FBXL2: variants seen among roughly 807,000 people sequenced by gnomAD.
The protein encoded by FBXL2 is F-box/LRR-repeat protein 2.
A neutral mutation model predicts 69.2 loss-of-function variants in FBXL2; 38 were observed. The ratio of observed to expected loss-of-function variants is 0.55; its 90% CI spans 0.42 to 0.72. The LOEUF (loss-of-function observed/expected upper bound fraction) is 0.72. FBXL2 is among the 30% of genes least tolerant of loss of function. The pLI, the probability that FBXL2 is intolerant of heterozygous loss-of-function variation, is 0.00. For missense variants in FBXL2, 354 were observed against 520.3 expected, an observed-to-expected ratio of 0.68 and a Z score of 3.11; for synonymous variants, 192 against 201.3, an observed-to-expected ratio of 0.95 and a Z score of 0.39.
intron 2 of FBXL2, among the ~76,000 whole-genome samples, chr3:33,298,549 C>T (rs1042618867): frequency 2.2e-4 from 33 of 151,816 alleles, no homozygotes; most frequent in Non-Finnish European, 4.4e-4. Context: ...TGGTGCACGC[C>T]TGTAATCCCA....
intron 2 of FBXL2, among the ~76,000 whole-genome samples, chr3:33,357,777 C>T (rs1426451588): frequency 2.0e-5 from 3 of 152,178 alleles, no homozygotes; most frequent in Non-Finnish European, 4.4e-5. Flanking sequence ...GATCCGCCCA[C>T]CTCGGCCTCC....
chr3:33,412,581 CAAA>C, the FBXL2 span: 5,760 of 493,894 alleles, frequency 0.012, no homozygotes, highest in South Asian at 0.018. Flanking sequence ...GGCTCTGTCT[CAAA>C]AAAAAAAAAA....
intron 2 of FBXL2, among the ~76,000 whole-genome samples, chr3:33,320,835 T>C (rs987939233): frequency 6.6e-6 from 1 of 152,078 alleles, no homozygotes; most frequent in Non-Finnish European, 1.5e-5. Context: ...GAAAAGATTG[T>C]TATATATTAC....
chr3:33,326,505 C>CAA (rs543949783), intron 2 of FBXL2, among the ~76,000 whole-genome samples: 2,584 of 96,546 alleles, frequency 0.027, 31 homozygotes, highest in South Asian at 0.05. Flanking sequence ...GACTCCGTCT[C>CAA]AAAAAAAAAA....
rs2042378127 is a variant in FBXL2 at position 33,372,792 on chromosome 3, G to A, written c.291-300G>A. On this transcript the variant is annotated intron_variant, in intron 5 of 14. Coordinates refer to ENST00000484457, the MANE Select transcript of FBXL2 (RefSeq NM_012157.5). Reference sequence around the variant, plus strand: ...GCCTCTATTCTCATGATTCGGTGATGACTCACCAAGCTGTGGGTAAAGGAG... The same window carrying A: ...GCCTCTATTCTCATGATTCGGTGATAACTCACCAAGCTGTGGGTAAAGGAG... 4 of 501,020 alleles carry A rather than the reference G, an allele frequency of 8.0e-6. No homozygotes were observed. The South Asian group carries it at 9.2e-5, about 12-fold the overall frequency. 31.0% of individuals were successfully genotyped at this position (501,020 alleles called of 1,614,324 possible).
At chr3:33,364,405 G>A (rs556614353) in intron 4 of FBXL2, 1 of 553,492 alleles carries the variant, frequency 1.8e-6, no homozygotes, top group African/African-American at 1.9e-5. Context: ...TTGTTTGTTG[G>A]TTGGTTTTAG....
chr3:33,360,690 G>T (rs1203229405), intron 4 of FBXL2, among the ~76,000 whole-genome samples: 2 of 151,978 alleles, frequency 1.3e-5, no homozygotes, highest in Non-Finnish European at 2.9e-5. Context: ...GAATATAATT[G>T]CCCTTCAAAC....
At chr3:33,326,868 C>T (rs2038741802) in intron 2 of FBXL2, among the ~76,000 whole-genome samples, 1 of 152,176 alleles carries the variant, frequency 6.6e-6, no homozygotes, top group Admixed American at 6.5e-5. Context: ...TCCTATTGAT[C>T]TAAAGACATA....
intron 4 of FBXL2, among the ~76,000 whole-genome samples, chr3:33,359,624 T>C (rs183987901): frequency 1.7e-4 from 26 of 152,232 alleles, no homozygotes; most frequent in Admixed American, 7.8e-4. Context: ...ACCTGCATCA[T>C]TATCACCTGG....
intron 9 of FBXL2, among the ~76,000 whole-genome samples, chr3:33,374,605 G>T (rs942193864): frequency 5.9e-5 from 9 of 152,178 alleles, no homozygotes; most frequent in Non-Finnish European, 1.2e-4. Context: ...GACAAACGTT[G>T]ACCATATGGG....
intron 10 of FBXL2, 127 bp downstream of exon 10, chr3:33,375,545 T>G: frequency 9.2e-7 from 1 of 1,083,124 alleles, no homozygotes; most frequent in Non-Finnish European, 1.3e-6. Context: ...TGTTGTTGGC[T>G]TTTGTTGGGT....
chr3:33,338,193 C>T (rs1321650527), intron 2 of FBXL2, among the ~76,000 whole-genome samples: 1 of 152,128 alleles, frequency 6.6e-6, no homozygotes, highest in Non-Finnish European at 1.5e-5. Context: ...AGGTAGATCG[C>T]TTGCGATCAG....
chr3:33,362,549 A>G (rs774741067), intron 4 of FBXL2, among the ~76,000 whole-genome samples: 1 of 152,184 alleles, frequency 6.6e-6, no homozygotes. Context: ...ATTCCAGTAC[A>G]AGAACTTTGC....
the FBXL2 span, among the ~76,000 whole-genome samples, chr3:33,418,683 A>T: frequency 6.6e-6 from 1 of 151,114 alleles, no homozygotes; most frequent in Non-Finnish European, 1.5e-5. Context: ...ACATGGAGAA[A>T]CCTCATCTCT....
chr3:33,378,942 C>T, intron 13 of FBXL2: 1 of 1,006,028 alleles, frequency 9.9e-7, no homozygotes, highest in South Asian at 1.9e-5. Flanking sequence ...TTAAGATTCC[C>T]AAAAGAGAAA....
chr3:33,288,339 T>C (rs1575597947), intron 1 of FBXL2, among the ~76,000 whole-genome samples: 1 of 152,222 alleles, frequency 6.6e-6, no homozygotes, highest in East Asian at 1.9e-4. Context: ...TATCCAGCAG[T>C]GCGCAAACCG....
intron 2 of FBXL2, among the ~76,000 whole-genome samples, chr3:33,322,565 A>G (rs1334787394): frequency 3.3e-5 from 5 of 152,230 alleles, no homozygotes; most frequent in African/African-American, 1.2e-4. Flanking sequence ...GAAGACATAT[A>G]CAGCATGTAC....
rs2037706425 is a variant in FBXL2, at chr3:33,316,484, C to G, written c.65+18759C>G. ...TTCCTATGGCTCAGAATGCTTCAGC[C>G]CCTTTTAGAAATTAGTGTGGACCCC... On this transcript the variant is annotated intron_variant, in intron 2 of 14. Coordinates refer to ENST00000484457, the MANE Select transcript of FBXL2 (RefSeq NM_012157.5). Among the ~76,000 whole-genome samples the G allele has an allele frequency of 1.3e-5, 2 of 152,068 alleles. 1 individual carries two copies. The highest frequency in any genetic ancestry group is 4.1e-4 in the South Asian group (2 of 4,824).
chr3:33,407,547 TAAA>T (rs35830232), downstream of FBXL2, among the ~76,000 whole-genome samples: 12 of 135,628 alleles, frequency 8.8e-5, no homozygotes, highest in Admixed American at 1.5e-4. Flanking sequence ...CGAATTTATT[TAAA>T]AAAAAAAAAA....
Sources: allele counts gnomAD v4.1 joint callset (sites outside exome capture counted in the v4.1 genomes callset), GRCh38; gene constraint gnomAD v4.1.1; transcripts MANE v1.5; gene names NCBI Gene and HGNC (gene_info 2026-07-23, HGNC 2026-07-21).